Variants in KLHDC4 observed in about 807,000 individuals in gnomAD.
KLHDC4 encodes the protein kelch domain containing 4, also known as kelch domain-containing protein 4.
KLHDC4 carries 90 observed loss-of-function variants against 62.4 expected under a neutral mutation model. That is an observed-to-expected ratio of 1.44 (90% CI 1.22 to 1.72). The LOEUF (loss-of-function observed/expected upper bound fraction) is 1.72. KLHDC4 is among the 40% of genes most tolerant of loss of function. The pLI is 0.00. For synonymous variants in KLHDC4, 386 were observed against 284.4 expected (o/e 1.36, Z -3.59); for missense variants, 1,025 against 699.7 (o/e 1.47, Z -5.25).
At chr16:87,712,405 G>C (rs1344994987) in intron 8 of KLHDC4, among the ~76,000 whole-genome samples, 1 of 152,270 alleles carries the variant, frequency 6.6e-6, no homozygotes, top group Non-Finnish European at 1.5e-5. Context: ...CTGTGTGAAG[G>C]AACAGGGAAG....
chr16:87,718,710 T>C (rs2037591938), intron 7 of KLHDC4, among the ~76,000 whole-genome samples: 2 of 146,886 alleles, frequency 1.4e-5, no homozygotes, highest in Non-Finnish European at 3.0e-5. Context: ...GAGGAGCCCC[T>C]CTGCCCGGCT....
intron 7 of KLHDC4, among the ~76,000 whole-genome samples, chr16:87,720,802 G>T (rs1404548080): frequency 6.6e-6 from 1 of 152,240 alleles, no homozygotes; most frequent in African/African-American, 2.4e-5. Context: ...TGCTCCAGAA[G>T]CCCATGCATG....
chr16:87,721,039 A>C (rs1176326012), intron 7 of KLHDC4, among the ~76,000 whole-genome samples: 3 of 152,170 alleles, frequency 2.0e-5, no homozygotes, highest in Non-Finnish European at 4.4e-5. Context: ...CCACCTTCTT[A>C]ACGGCCAACG....
intron 4 of KLHDC4, among the ~76,000 whole-genome samples, chr16:87,754,134 C>T (rs2044479807): frequency 6.6e-6 from 1 of 151,774 alleles, no homozygotes; most frequent in African/African-American, 2.4e-5. Flanking sequence ...AGCAAGACTC[C>T]CTCTCAAAAA....
At position 87,709,714 on chromosome 16, in the gene KLHDC4, G is replaced by A. The variant is rs1189131887; in HGVS notation, c.1045-47C>T. 7 of 1,509,058 alleles carry A rather than the reference G, an allele frequency of 4.6e-6. No individual in the cohort carries two copies. In the Admixed American group the frequency reaches 6.3e-5, roughly 14 times the overall value. The allele number at this position is 1,509,058 out of a possible 1,614,324, so 93.5% of individuals were successfully genotyped here. A position where few individuals can be genotyped will look rare whatever the true frequency, so the allele number is the denominator to read the frequency against. On this transcript the variant is annotated intron_variant, in intron 9 of 11. Transcript: ENST00000270583. ...AGAGAGCAGCAGCTTCAGCGAGGCAGGGGTCATTCCTGCTATGCCCACAAG... is the reference window on the plus strand; with the variant it reads ...AGAGAGCAGCAGCTTCAGCGAGGCAAGGGTCATTCCTGCTATGCCCACAAG...
At chr16:87,720,231 G>T (rs901736369) in intron 7 of KLHDC4, among the ~76,000 whole-genome samples, 1 of 152,172 alleles carries the variant, frequency 6.6e-6, no homozygotes, top group African/African-American at 2.4e-5. Flanking sequence ...AGCGTTTGTG[G>T]GAGAAGACGG....
At position 87,765,897 on chromosome 16, in the gene KLHDC4, G is replaced by A. The variant is rs763633078; in HGVS notation, c.-7C>T. On this transcript the variant is annotated 5_prime_UTR_variant, in exon 1 of 12. Transcript: ENST00000270583. ...TCTTGCCCTTCTTGCCCATCTTGCC[G>A]GGTCCCAAGCCGCGACGGGACACCA... The A allele has an allele frequency of 2.5e-5, 38 of 1,550,882 alleles. No homozygotes were observed. In the African/African-American group the frequency reaches 4.2e-4, roughly 17 times the overall value.
intron 7 of KLHDC4, among the ~76,000 whole-genome samples, chr16:87,725,591 T>TACAAAGGATTTTTTAAACCCCTACAGG (rs2039221180): frequency 6.6e-6 from 1 of 151,996 alleles, no homozygotes; most frequent in Non-Finnish European, 1.5e-5. Flanking sequence ...ACCCCTACAG[T>TACAAAGGATTTTTTAAACCCCTACAGG]GAGATACTAC....
chr16:87,701,711 G>A (rs1039729919), exon 1 of KLHDC4: 27 of 456,586 alleles, frequency 5.9e-5, no homozygotes, highest in Admixed American at 4.7e-4. Flanking sequence ...CACCCTTCTC[G>A]TGCGCCCATG....
rs1158580882 is a variant in KLHDC4 at position 87,753,752 on chromosome 16, G to T, written c.369+1442C>A. Among the ~76,000 whole-genome samples the T allele has an allele frequency of 2.6e-4, 39 of 149,786 alleles. No homozygotes were observed. The Admixed American group carries it at 2.6e-3, about 10-fold the overall frequency. ...GGAAGCGGAGGTTGCAGTGAGCCAA[G>T]ATCGCGCCACTGCACTCCAGCCTGG... On this transcript the variant is annotated intron_variant, in intron 4 of 11. Coordinates refer to ENST00000270583, the MANE Select transcript of KLHDC4 (RefSeq NM_017566.4).
intron 7 of KLHDC4, among the ~76,000 whole-genome samples, chr16:87,723,415 C>A (rs923160335): frequency 6.6e-6 from 1 of 152,256 alleles, no homozygotes; most frequent in Non-Finnish European, 1.5e-5. Context: ...TGACACGCGA[C>A]TCTGATGAAA....
intron 7 of KLHDC4, among the ~76,000 whole-genome samples, chr16:87,722,795 T>C (rs1402793318): frequency 6.6e-6 from 1 of 152,240 alleles, no homozygotes; most frequent in Non-Finnish European, 1.5e-5. Flanking sequence ...GGTGTGATCC[T>C]GAGGGCCCCG....
chr16:87,704,462 A>G (rs1330089295), downstream of KLHDC4, among the ~76,000 whole-genome samples: 3 of 66,552 alleles, frequency 4.5e-5, no homozygotes, highest in African/African-American at 8.3e-5. Flanking sequence ...GGTCCTGAAC[A>G]TGACAGGGAA....
rs139836259 is a variant in KLHDC4 at position 87,748,791 on chromosome 16, C to G, written c.388G>C (p.Gly130Arg). 7.4e-6 allele frequency: 12 copies of G among 1,612,730 alleles called. No homozygotes were observed. The African/African-American group carries it at 1.5e-4, about 20-fold the overall frequency. ...CAHQAVVVPQ[G>R]GGQLWVFGGE... ...CCAAAGACCCACAGCTGTCCGCCAC[C>G]TTGAGGCACTACCACCGCCTGTGAA... The change falls in exon 5 of 12, where the codon GGT becomes CGT. Residue 130 changes from glycine to arginine, a missense_variant. Transcript: ENST00000270583.
chr16:87,711,512 G>T, intron 8 of KLHDC4, 69 bp from the exon 9 acceptor site: 1 of 1,362,324 alleles, frequency 7.3e-7, no homozygotes. Context: ...CCCAGGACAC[G>T]CTCAGGACCC....
At chr16:87,715,937 G>C (rs1047154014) in intron 7 of KLHDC4, among the ~76,000 whole-genome samples, 7 of 152,212 alleles carry the variant, frequency 4.6e-5, no homozygotes, top group African/African-American at 9.6e-5. Flanking sequence ...GTGCCTCGTG[G>C]ATATTGACAC....
chr16:87,756,366 C>A (rs1709105927), intron 3 of KLHDC4, 33 bp downstream of exon 3: 1 of 1,480,166 alleles, frequency 6.8e-7, no homozygotes, highest in Non-Finnish European at 9.4e-7. Context: ...ACTCACGCAA[C>A]ATGGGAAGAA....
At chr16:87,744,517 A>T (rs1311821732) in intron 5 of KLHDC4, among the ~76,000 whole-genome samples, 1 of 151,352 alleles carries the variant, frequency 6.6e-6, no homozygotes, top group Non-Finnish European at 1.5e-5. Flanking sequence ...AGCGAGGTGG[A>T]GGTTGTAGTG....
chr16:87,719,811 A>G (rs2037893334), intron 7 of KLHDC4, among the ~76,000 whole-genome samples: 1 of 152,248 alleles, frequency 6.6e-6, no homozygotes, highest in South Asian at 2.1e-4. Context: ...AAGTGTCAAC[A>G]TGGAGGGTGA....
Sources: allele counts gnomAD v4.1 joint callset (sites outside exome capture counted in the v4.1 genomes callset), GRCh38; gene constraint gnomAD v4.1.1; transcripts MANE v1.5; gene names NCBI Gene and HGNC (gene_info 2026-07-23, HGNC 2026-07-21).